SLC14A2: variants seen among roughly 807,000 people sequenced by gnomAD.
The protein encoded by SLC14A2 is urea transporter 2.
SLC14A2 carries 91 observed loss-of-function variants against 104.6 expected under a neutral mutation model. The observed-to-expected ratio is 0.87, with a 90% CI of 0.73 to 1.04. The LOEUF (loss-of-function observed/expected upper bound fraction) is 1.04, where lower values mean the gene tolerates loss of function less well. Ranked by LOEUF, SLC14A2 falls within the 50% of genes least tolerant of loss-of-function variation. The pLI, the probability that SLC14A2 is intolerant of heterozygous loss-of-function variation, is 0.00. For synonymous variants in SLC14A2, 476 were observed against 466.4 expected, an observed-to-expected ratio of 1.02 and a Z score of -0.27; for missense variants, 1,189 against 1,156.0, an observed-to-expected ratio of 1.03 and a Z score of -0.41.
chr18:45,519,129 T>A (rs1005613883), intron 2 of SLC14A2, among the ~76,000 whole-genome samples: 3 of 152,002 alleles, frequency 2.0e-5, no homozygotes, highest in Non-Finnish European at 2.9e-5. Flanking sequence ...TTTTAAAAAA[T>A]CCTCCAAAAA....
At chr18:45,185,881 C>A in the SLC14A2 span, among the ~76,000 whole-genome samples, 1 of 151,982 alleles carries the variant, frequency 6.6e-6, no homozygotes, top group Non-Finnish European at 1.5e-5. Context: ...ATTCCACTTA[C>A]AATAGCATCA....
At chr18:45,176,533 C>G in the SLC14A2 span, among the ~76,000 whole-genome samples, 2 of 152,180 alleles carry the variant, frequency 1.3e-5, no homozygotes, top group Non-Finnish European at 2.9e-5. Context: ...ATTTCTATGG[C>G]TACTCACAGA....
At chr18:45,194,728 C>G in the SLC14A2 span, among the ~76,000 whole-genome samples, 396 of 136,672 alleles carry the variant, frequency 2.9e-3, 3 homozygotes, top group African/African-American at 0.01. Flanking sequence ...TCACTGAAAA[C>G]TTCACCTCCT....
intron 1 of SLC14A2, among the ~76,000 whole-genome samples, chr18:45,244,080 A>C (rs192793662): frequency 2.0e-5 from 3 of 152,298 alleles, no homozygotes; most frequent in Admixed American, 6.5e-5. Flanking sequence ...TGCAAGGCTG[A>C]GAGTCAAATC....
chr18:45,606,764 A>AG (rs1568296078), intron 2 of SLC14A2, among the ~76,000 whole-genome samples: 5 of 72,122 alleles, frequency 6.9e-5, no homozygotes, highest in African/African-American at 2.1e-4. Context: ...AAAAACAAAA[A>AG]AAAAAAACAC....
intron 2 of SLC14A2, among the ~76,000 whole-genome samples, chr18:45,561,878 G>T (rs1437239100): frequency 1.3e-5 from 2 of 151,494 alleles, no homozygotes; most frequent in Non-Finnish European, 1.5e-5. Flanking sequence ...TTCTATTTGG[G>T]GATCTATATA....
At chr18:45,627,455 C>T (rs2045278269) in intron 4 of SLC14A2, among the ~76,000 whole-genome samples, 1 of 152,128 alleles carries the variant, frequency 6.6e-6, no homozygotes, top group African/African-American at 2.4e-5. Flanking sequence ...GATTAATAGG[C>T]AATGAATGTC....
At chr18:45,477,801 C>T (rs1292458612) in intron 1 of SLC14A2, among the ~76,000 whole-genome samples, 1 of 152,212 alleles carries the variant, frequency 6.6e-6, no homozygotes, top group Non-Finnish European at 1.5e-5. Context: ...AAACCACCTA[C>T]TCAAGCCTCA....
chr18:45,502,164 C>T (rs2043208743), intron 2 of SLC14A2, among the ~76,000 whole-genome samples: 1 of 152,134 alleles, frequency 6.6e-6, no homozygotes, highest in Non-Finnish European at 1.5e-5. Context: ...GGCAGATTCC[C>T]AAATTCCACC....
chr18:45,354,391 C>T (rs998519898), intron 1 of SLC14A2, among the ~76,000 whole-genome samples: 3 of 152,198 alleles, frequency 2.0e-5, no homozygotes, highest in African/African-American at 7.2e-5. Flanking sequence ...TGATTGGTGG[C>T]AGCAGGGGTG....
chr18:45,220,532 A>G (rs2084051392), intron 1 of SLC14A2, among the ~76,000 whole-genome samples: 1 of 149,640 alleles, frequency 6.7e-6, no homozygotes, highest in Non-Finnish European at 1.5e-5. Flanking sequence ...CTGTGTCCCT[A>G]AATGAGTCTA....
intron 1 of SLC14A2, among the ~76,000 whole-genome samples, chr18:45,428,894 T>C (rs2086473543): frequency 6.6e-6 from 1 of 152,232 alleles, no homozygotes; most frequent in South Asian, 2.1e-4. Context: ...GTTCTAGATT[T>C]CTGGGAAGAG....
At chr18:45,282,480 G>C (rs144099688) in intron 1 of SLC14A2, among the ~76,000 whole-genome samples, 1 of 152,276 alleles carries the variant, frequency 6.6e-6, no homozygotes, top group East Asian at 1.9e-4. Context: ...TTTTGAAACT[G>C]TGTGCTTGTC....
At chr18:45,648,944 C>T (rs9962290) in intron 10 of SLC14A2, among the ~76,000 whole-genome samples, 140,779 of 152,200 alleles carry the variant, frequency 0.92, 65,234 homozygotes, top group Middle Eastern at 0.96. Context: ...AAAGCATATT[C>T]GTCTCTCACG....
chr18:45,236,977 C>T (rs887633350), intron 1 of SLC14A2, among the ~76,000 whole-genome samples: 1 of 151,998 alleles, frequency 6.6e-6, no homozygotes, highest in Non-Finnish European at 1.5e-5. Context: ...GGGGAGAGCC[C>T]AGAACTTGTG....
At chr18:45,643,857 G>A in intron 9 of SLC14A2, 129 bp from the exon 10 acceptor site, 1 of 788,172 alleles carries the variant, frequency 1.3e-6, no homozygotes, top group Non-Finnish European at 2.1e-6. Context: ...GCAAATCCAG[G>A]AATATCAATG....
intron 1 of SLC14A2, among the ~76,000 whole-genome samples, chr18:45,406,731 G>A (rs1297396204): frequency 6.6e-6 from 1 of 152,072 alleles, no homozygotes; most frequent in Non-Finnish European, 1.5e-5. Context: ...ATCCATTGTT[G>A]GCATGGAAAC....
intron 2 of SLC14A2, among the ~76,000 whole-genome samples, chr18:45,489,070 G>T (rs550515227): frequency 6.6e-6 from 1 of 152,188 alleles, no homozygotes; most frequent in Non-Finnish European, 1.5e-5. Context: ...GACAAAAATG[G>T]TTTTGATTAT....
the SLC14A2 span, among the ~76,000 whole-genome samples, chr18:45,171,312 G>A: frequency 1.3e-5 from 2 of 151,922 alleles, no homozygotes; most frequent in Admixed American, 6.6e-5. Context: ...GGGCTTCGTG[G>A]ATGTAAAAAC....
Sources: gnomAD v4.1 joint callset for allele counts (sites outside exome capture counted in the v4.1 genomes callset) on GRCh38, gnomAD v4.1.1 for gene constraint, MANE v1.5 for transcripts, NCBI Gene and HGNC (gene_info 2026-07-23, HGNC 2026-07-21) for gene names.